Variants in OPCML observed in about 807,000 individuals in gnomAD.
OPCML encodes the protein opioid binding protein/cell adhesion molecule like, also known as opioid-binding protein/cell adhesion molecule.
A neutral mutation model predicts 37.8 loss-of-function variants in OPCML; 13 were observed. The ratio of observed to expected loss-of-function variants is 0.34; its 90% confidence interval spans 0.22 to 0.55. The LOEUF (loss-of-function observed/expected upper bound fraction) is 0.55, where lower values mean the gene tolerates loss of function less well. Ranked by LOEUF, OPCML falls within the 20% of genes least tolerant of loss-of-function variation. The pLI, the probability that OPCML is intolerant of heterozygous loss-of-function variation, is 0.91. For missense variants in OPCML, 341 were observed against 435.6 expected (o/e 0.78, Z 1.93); for synonymous variants, 176 against 168.8 (o/e 1.04, Z -0.33).
At chr11:133,504,480 G>A (rs575154412) in intron 1 of OPCML, among the ~76,000 whole-genome samples, 2 of 152,310 alleles carry the variant, frequency 1.3e-5, no homozygotes, top group African/African-American at 2.4e-5. Context: ...CTGGCATGAT[G>A]GAAGGACAGA....
chr11:132,452,919 C>T (rs184218235), intron 4 of OPCML, among the ~76,000 whole-genome samples: 6 of 152,192 alleles, frequency 3.9e-5, no homozygotes, highest in Non-Finnish European at 8.8e-5. Flanking sequence ...ATTCATATAC[C>T]ACCCCTCCTC....
intron 1 of OPCML, among the ~76,000 whole-genome samples, chr11:133,284,023 G>A (rs1449456373): frequency 6.6e-6 from 1 of 152,178 alleles, no homozygotes; most frequent in African/African-American, 2.4e-5. Context: ...AATCAGCCAA[G>A]CTCTTTTACC....
chr11:133,393,792 G>C (rs1342623958), intron 1 of OPCML, among the ~76,000 whole-genome samples: 1 of 152,222 alleles, frequency 6.6e-6, no homozygotes, highest in East Asian at 1.9e-4. Flanking sequence ...CCAGGTTCTA[G>C]AAGATTTTCT....
chr11:132,653,114 G>A (rs1941514230), intron 3 of OPCML, among the ~76,000 whole-genome samples: 2 of 152,180 alleles, frequency 1.3e-5, no homozygotes, highest in African/African-American at 4.8e-5. Context: ...TCTGTGTAAT[G>A]TTTGTGTGTT....
chr11:133,003,081 G>C (rs1269445662), intron 1 of OPCML, among the ~76,000 whole-genome samples: 1 of 152,138 alleles, frequency 6.6e-6, no homozygotes, highest in East Asian at 1.9e-4. Flanking sequence ...GAAAAACACA[G>C]CAGAAAACTT....
chr11:132,606,926 T>A (rs1291265904), intron 3 of OPCML, among the ~76,000 whole-genome samples: 2 of 152,138 alleles, frequency 1.3e-5, no homozygotes, highest in Admixed American at 1.3e-4. Context: ...GGAGAGACAG[T>A]ATGTAGAAAT....
intron 3 of OPCML, among the ~76,000 whole-genome samples, chr11:132,617,384 A>G (rs1054987079): frequency 1.3e-5 from 2 of 152,204 alleles, no homozygotes; most frequent in African/African-American, 4.8e-5. Context: ...CTCCACGTAG[A>G]CTGAATTGAC....
chr11:132,865,014 GCA>G (rs1228715403), intron 2 of OPCML, among the ~76,000 whole-genome samples: 2 of 152,244 alleles, frequency 1.3e-5, no homozygotes, highest in African/African-American at 4.8e-5. Context: ...CGGCACTTGG[GCA>G]TTAGCTCCGC....
At chr11:132,485,225 C>G (rs1199199791) in intron 4 of OPCML, among the ~76,000 whole-genome samples, 1 of 152,124 alleles carries the variant, frequency 6.6e-6, no homozygotes, top group Non-Finnish European at 1.5e-5. Flanking sequence ...CGACTCATGA[C>G]AAGCAAGTTA....
intron 1 of OPCML, among the ~76,000 whole-genome samples, chr11:133,063,120 G>T (rs994912849): frequency 1.3e-5 from 2 of 152,206 alleles, no homozygotes; most frequent in African/African-American, 4.8e-5. Context: ...ACCAGCCTTC[G>T]CAGTGTAAGT....
intron 2 of OPCML, among the ~76,000 whole-genome samples, chr11:132,800,910 T>C (rs1197533798): frequency 3.9e-5 from 6 of 152,192 alleles, no homozygotes; most frequent in Non-Finnish European, 7.4e-5. Flanking sequence ...AATTACATGA[T>C]AGAATAAGTT....
At chr11:133,474,644 T>C (rs1330411158) in intron 1 of OPCML, among the ~76,000 whole-genome samples, 2 of 151,860 alleles carry the variant, frequency 1.3e-5, no homozygotes, top group Non-Finnish European at 2.9e-5. Context: ...CCTGGAGAGG[T>C]GGATTCTTGA....
intron 1 of OPCML, among the ~76,000 whole-genome samples, chr11:133,481,380 G>A (rs888940794): frequency 1.3e-5 from 2 of 151,598 alleles, no homozygotes; most frequent in Non-Finnish European, 1.5e-5. Flanking sequence ...AGCTTCCCAG[G>A]GGCAGACACA....
chr11:133,112,522 A>G (rs1486770693), intron 1 of OPCML, among the ~76,000 whole-genome samples: 3 of 152,226 alleles, frequency 2.0e-5, no homozygotes, highest in Non-Finnish European at 4.4e-5. Context: ...CAAATATTGT[A>G]GACATGGGCA....
chr11:133,077,220 A>G (rs1948635125), intron 1 of OPCML, among the ~76,000 whole-genome samples: 1 of 151,636 alleles, frequency 6.6e-6, no homozygotes, highest in South Asian at 2.1e-4. Context: ...TGGCCAAGGG[A>G]ATCTGGAGAG....
chr11:132,785,670 C>T (rs1267133070), intron 2 of OPCML, among the ~76,000 whole-genome samples: 2 of 152,168 alleles, frequency 1.3e-5, no homozygotes, highest in Non-Finnish European at 2.9e-5. Flanking sequence ...GTCAGTAACT[C>T]TGTGCAGTAG....
intron 2 of OPCML, among the ~76,000 whole-genome samples, chr11:132,800,751 TGTATTTA>T (rs961729992): frequency 4.6e-5 from 7 of 152,220 alleles, no homozygotes; most frequent in African/African-American, 1.7e-4. Context: ...TGGGACAAAT[TGTATTTA>T]GTCATGATGT....
At chr11:132,688,327 A>G (rs967952236) in intron 2 of OPCML, among the ~76,000 whole-genome samples, 1 of 152,202 alleles carries the variant, frequency 6.6e-6, no homozygotes, top group Non-Finnish European at 1.5e-5. Context: ...AACCGGCAGT[A>G]AATGACAAAC....
At chr11:132,488,600 G>A (rs1326405627) in intron 4 of OPCML, among the ~76,000 whole-genome samples, 1 of 152,208 alleles carries the variant, frequency 6.6e-6, no homozygotes, top group East Asian at 1.9e-4. Flanking sequence ...GTGAGTGAAT[G>A]TGAAGGCCTG....
Sources: allele counts gnomAD v4.1 joint callset (sites outside exome capture counted in the v4.1 genomes callset), GRCh38; gene constraint gnomAD v4.1.1; transcripts MANE v1.5; gene names NCBI Gene and HGNC (gene_info 2026-07-23, HGNC 2026-07-21).